RGS6: variants seen among roughly 807,000 people sequenced by gnomAD.
RGS6 encodes regulator of G-protein signaling 6.
In RGS6, 30 loss-of-function variants were observed where a neutral mutation model predicts 78.5. The ratio of observed to expected loss-of-function variants is 0.38; its 90% CI spans 0.29 to 0.52. The LOEUF is 0.52. Ranked by LOEUF, RGS6 falls within the 20% of genes least tolerant of loss-of-function variation. RGS6 has a pLI of 0.85. For synonymous variants in RGS6, 206 were observed against 206.0 expected (o/e 1.00, Z 0.00); for missense variants, 495 against 609.7 (o/e 0.81, Z 1.98).
chr14:72,346,475 C>G (rs1374501908), intron 2 of RGS6, among the ~76,000 whole-genome samples: 1 of 152,130 alleles, frequency 6.6e-6, no homozygotes, highest in African/African-American at 2.4e-5. Context: ...CCAGTTTTGC[C>G]CAACATGCTT....
rs541595169 is a variant in RGS6 at position 72,328,782 on chromosome 14, G to A, written c.85-23313G>A. Among the ~76,000 whole-genome samples the A allele has an allele frequency of 1.7e-4, 26 of 152,326 alleles. 2 individuals carry two copies. The highest frequency in any genetic ancestry group is 6.0e-4 in the African/African-American group (25 of 41,578). The stretch of plus-strand genomic sequence containing the variant: ...AAGTCACAAAATGCAGACATTTTAA[G>A]CTATTCTCCCAAAATACATTAAAAA... On this transcript the variant is annotated intron_variant, in intron 2 of 17. Coordinates refer to ENST00000553525, the MANE Select transcript of RGS6 (RefSeq NM_001204424.2).
chr14:72,387,701 G>A (rs140490233), intron 3 of RGS6, among the ~76,000 whole-genome samples: 1 of 152,250 alleles, frequency 6.6e-6, no homozygotes, highest in Non-Finnish European at 1.5e-5. Flanking sequence ...GTGAGTATAA[G>A]TCTTCACAGT....
intron 13 of RGS6, among the ~76,000 whole-genome samples, chr14:72,507,954 C>A (rs893992601): frequency 2.6e-5 from 4 of 152,204 alleles, no homozygotes; most frequent in Admixed American, 2.0e-4. Flanking sequence ...CAGGGGAATT[C>A]TTCCACAAAC....
intron 2 of RGS6, among the ~76,000 whole-genome samples, chr14:72,034,156 G>T (rs544458614): frequency 2.3e-4 from 35 of 152,154 alleles, no homozygotes; most frequent in African/African-American, 7.9e-4. Context: ...CTCCAATTTG[G>T]ATGCCATTTA....
intron 2 of RGS6, among the ~76,000 whole-genome samples, chr14:72,100,165 G>A (rs956338333): frequency 2.0e-5 from 3 of 152,150 alleles, no homozygotes; most frequent in Non-Finnish European, 2.9e-5. Flanking sequence ...GGTAAAAGAC[G>A]GGAGTGATTT....
At chr14:72,413,379 T>G (rs555884125) in intron 3 of RGS6, among the ~76,000 whole-genome samples, 2 of 152,224 alleles carry the variant, frequency 1.3e-5, no homozygotes, top group Non-Finnish European at 2.9e-5. Flanking sequence ...TATCAGAGAC[T>G]AGGATTGCAA....
intron 2 of RGS6, among the ~76,000 whole-genome samples, chr14:72,007,999 T>G (rs1424833949): frequency 6.6e-6 from 1 of 152,174 alleles, no homozygotes; most frequent in Admixed American, 6.5e-5. Flanking sequence ...CATGTTACCT[T>G]TCATGAAAAT....
intron 17 of RGS6, chr14:72,550,587 G>A: frequency 2.0e-6 from 3 of 1,535,152 alleles, no homozygotes; most frequent in Non-Finnish European, 2.6e-6. Context: ...AAAAGTGGTG[G>A]GGGAATTCTG....
intron 2 of RGS6, among the ~76,000 whole-genome samples, chr14:72,231,986 A>G (rs539862139): frequency 1.3e-5 from 2 of 152,288 alleles, no homozygotes; most frequent in South Asian, 4.2e-4. Context: ...GTTCTTCTCT[A>G]AGGGCCGTTT....
intron 2 of RGS6, among the ~76,000 whole-genome samples, chr14:72,248,265 G>C (rs2054733493): frequency 6.6e-6 from 1 of 152,162 alleles, no homozygotes; most frequent in Admixed American, 6.5e-5. Context: ...GATTTAGCGT[G>C]GAAGCAGATA....
intron 3 of RGS6, among the ~76,000 whole-genome samples, chr14:72,400,965 A>G (rs948483612): frequency 6.6e-6 from 1 of 152,202 alleles, no homozygotes; most frequent in Non-Finnish European, 1.5e-5. Context: ...TCTCTGCAGA[A>G]TTTCCTTGGC....
chr14:72,075,451 T>C (rs2094541931), intron 2 of RGS6, among the ~76,000 whole-genome samples: 20 of 152,222 alleles, frequency 1.3e-4, no homozygotes, highest in Admixed American at 1.3e-3. Flanking sequence ...AAGATGAAGA[T>C]GGTACCTAAA....
At chr14:72,469,806 G>A (rs548607185) in intron 7 of RGS6, 10 of 518,198 alleles carry the variant, frequency 1.9e-5, no homozygotes, top group Non-Finnish European at 3.1e-5. Context: ...TAATGGGTGT[G>A]TAAATGAATA....
Position 72,109,679 on chromosome 14 carries a change from G to A in RGS6, c.84+144804G>A, listed in dbSNP as rs115594031. ...TAGGTTAATCCGCATGCTTTAGATT[G>A]ACTTACAGTATATACACTTTATTTC... On this transcript the variant is annotated intron_variant, in intron 2 of 17. Transcript: ENST00000553525. 9.5e-3 allele frequency among the ~76,000 whole-genome samples: 1,451 copies of A among 152,230 alleles called. 21 individuals carry two copies. Among genetic ancestry groups the A allele is most frequent in the African/African-American group, 0.032 (1,347 of 41,532 alleles).
At chr14:72,488,584 C>T (rs1272103358) in intron 12 of RGS6, among the ~76,000 whole-genome samples, 1 of 152,208 alleles carries the variant, frequency 6.6e-6, no homozygotes, top group Non-Finnish European at 1.5e-5. Context: ...TTTCCCATTT[C>T]CTTAGTTGCT....
chr14:72,482,803 G>A (rs572155762), intron 12 of RGS6, among the ~76,000 whole-genome samples: 3 of 152,320 alleles, frequency 2.0e-5, no homozygotes, highest in South Asian at 4.1e-4. Context: ...GCTAAAACAA[G>A]TCACTAAGCT....
intron 3 of RGS6, among the ~76,000 whole-genome samples, chr14:72,352,690 T>C (rs1339196727): frequency 1.3e-5 from 2 of 152,194 alleles, no homozygotes; most frequent in Non-Finnish European, 2.9e-5. Context: ...TTGTGAAATA[T>C]ATTAAAACAC....
In RGS6 at chr14:72,295,098, C is replaced by T. The variant is rs1014793182; in HGVS notation, c.85-56997C>T. Among the ~76,000 whole-genome samples, 297 of 151,696 alleles carry T rather than the reference C, an allele frequency of 2.0e-3. 1 individual carries two copies. The highest frequency in any genetic ancestry group is 6.5e-3 in the African/African-American group (268 of 41,346). ...CGAGGTCAGGAGATCGAGACCATCC[C>T]GGCTAAAACGGTGAAACCCCGTCTC... is the stretch of plus-strand genomic sequence containing the variant. On this transcript the variant is annotated intron_variant, in intron 2 of 17. Transcript: ENST00000553525.
intron 13 of RGS6, among the ~76,000 whole-genome samples, chr14:72,507,630 C>T (rs925183221): frequency 6.6e-6 from 1 of 152,234 alleles, no homozygotes; most frequent in Non-Finnish European, 1.5e-5. Context: ...CCTTCTCCCA[C>T]TCTTGCCACC....
Sources: allele counts gnomAD v4.1 joint callset (sites outside exome capture counted in the v4.1 genomes callset), GRCh38; gene constraint gnomAD v4.1.1; transcripts MANE v1.5; gene names NCBI Gene and HGNC (gene_info 2026-07-23, HGNC 2026-07-21).